Variants in MAPK10 observed in about 807,000 individuals in gnomAD.
MAPK10 encodes the protein JNK3 alpha protein kinase.
Under a neutral mutation model 59.3 loss-of-function variants are expected in MAPK10, and 25 were observed. The ratio of observed to expected loss-of-function variants is 0.42; its 90% confidence interval spans 0.31 to 0.59. The LOEUF is 0.59. Ranked by LOEUF, MAPK10 falls within the 20% of genes least tolerant of loss-of-function variation. MAPK10 has a pLI of 0.15. For synonymous variants in MAPK10, 190 were observed against 200.5 expected, an observed-to-expected ratio of 0.95 and a Z score of 0.44; for missense variants, 351 against 568.9, an observed-to-expected ratio of 0.62 and a Z score of 3.90.
In MAPK10 at chr4:86,196,709, G is replaced by A. The variant is rs115552024; in HGVS notation, c.-6-2302C>T. 9.0e-3 allele frequency among the ~76,000 whole-genome samples: 1,370 copies of A among 151,994 alleles called. 18 individuals carry two copies. Among genetic ancestry groups the A allele is most frequent in the African/African-American group, 0.02 (833 of 41,426 alleles). ...TGGTTTCAGGTCTCATGTTTAAGTCGGTAATCCATCTCGAGCTAATTTTTG... is the reference window on the plus strand; with the variant it reads ...TGGTTTCAGGTCTCATGTTTAAGTCAGTAATCCATCTCGAGCTAATTTTTG... On this transcript the variant is annotated intron_variant, in intron 2 of 13. Transcript: ENST00000641462.
At chr4:86,563,661 G>GT (rs1185391468) in intron 1 of MAPK10, among the ~76,000 whole-genome samples, 2 of 152,032 alleles carry the variant, frequency 1.3e-5, no homozygotes, top group Non-Finnish European at 2.9e-5. Context: ...CATATATATA[G>GT]TATGTTTTTT....
intron 3 of MAPK10, among the ~76,000 whole-genome samples, chr4:86,186,938 T>C (rs940340689): frequency 6.6e-5 from 10 of 152,176 alleles, no homozygotes; most frequent in Non-Finnish European, 1.5e-4. Context: ...TTACTTTCCC[T>C]TCTAGGTTAA....
intron 2 of MAPK10, among the ~76,000 whole-genome samples, chr4:86,261,914 A>C (rs182405955): frequency 6.6e-6 from 1 of 152,270 alleles, no homozygotes; most frequent in Non-Finnish European, 1.5e-5. Flanking sequence ...CTAGTTCCAC[A>C]GAAGAGTAAT....
At chr4:86,352,025 T>C (rs1208414639) in intron 2 of MAPK10, 1 of 152,194 alleles carries the variant, frequency 6.6e-6, no homozygotes, top group African/African-American at 2.4e-5. Context: ...TCTACCTGAT[T>C]AGCAAAATTT....
At chr4:86,412,986 C>T (rs767584468) in intron 1 of MAPK10, among the ~76,000 whole-genome samples, 11 of 152,110 alleles carry the variant, frequency 7.2e-5, no homozygotes, top group East Asian at 1.9e-4. Flanking sequence ...AGAGGCGCTC[C>T]GGTTTTTGGC....
intron 1 of MAPK10, chr4:86,429,899 T>C (rs1163016781): frequency 1.3e-5 from 2 of 152,110 alleles, no homozygotes; most frequent in African/African-American, 4.8e-5. Context: ...AAAAATATCA[T>C]TGAGTATACC....
chr4:86,304,132 G>T (rs980269188), intron 2 of MAPK10, among the ~76,000 whole-genome samples: 2 of 152,106 alleles, frequency 1.3e-5, no homozygotes, highest in Non-Finnish European at 2.9e-5. Context: ...TAAAAATAAG[G>T]CAGTAGGAGG....
chr4:86,464,503 A>G (rs1017284462), intron 1 of MAPK10, among the ~76,000 whole-genome samples: 2 of 152,236 alleles, frequency 1.3e-5, no homozygotes, highest in African/African-American at 4.8e-5. Flanking sequence ...TCTTTACTCA[A>G]TTGCAAACAG....
chr4:86,230,187 A>G (rs997302577), intron 2 of MAPK10, among the ~76,000 whole-genome samples: 2 of 152,250 alleles, frequency 1.3e-5, no homozygotes, highest in African/African-American at 4.8e-5. Flanking sequence ...ATTTTAGAAA[A>G]GTAAATATAT....
In MAPK10 at chr4:86,064,123, T is replaced by G. The variant is rs1579441624; in HGVS notation, c.1110+143A>C. 5 of 954,068 alleles carry G rather than the reference T, an allele frequency of 5.2e-6. No individual in the cohort carries two copies. The East Asian group carries it at 7.4e-5, about 14-fold the overall frequency. 59.1% of individuals were successfully genotyped at this position (954,068 alleles called of 1,614,324 possible). A position where few individuals can be genotyped will look rare whatever the true frequency, so the allele number is the denominator to read the frequency against. On this transcript the variant is annotated intron_variant, in intron 11 of 13. Transcript: ENST00000641462. ...AAAACATATGTTGAAGAAAATAGCT[T>G]TTAGAGGGGCAGATAATAGGCTTTG...
intron 1 of MAPK10, among the ~76,000 whole-genome samples, chr4:86,498,732 C>T (rs763328097): frequency 3.3e-5 from 5 of 152,186 alleles, no homozygotes; most frequent in African/African-American, 4.8e-5. Flanking sequence ...CACTCTGTTG[C>T]TGCCTAAGCG....
At chr4:86,139,408 AC>A (rs1253844665) in intron 4 of MAPK10, among the ~76,000 whole-genome samples, 3 of 150,308 alleles carry the variant, frequency 2.0e-5, no homozygotes, top group Non-Finnish European at 4.5e-5. Flanking sequence ...TCTTTGACAA[AC>A]CTGAGAAAAA....
At chr4:86,305,487 C>A (rs1042410085) in intron 2 of MAPK10, among the ~76,000 whole-genome samples, 3 of 151,940 alleles carry the variant, frequency 2.0e-5, no homozygotes, top group Admixed American at 1.3e-4. Context: ...TATAGTGGTA[C>A]GGCAGAAGAG....
chr4:86,070,482 C>CA (rs2149000348), intron 9 of MAPK10, among the ~76,000 whole-genome samples: 1 of 151,004 alleles, frequency 6.6e-6, no homozygotes, highest in Non-Finnish European at 1.5e-5. Context: ...TGCTGGTGCG[C>CA]TGCACCCACT....
chr4:86,373,647 T>C (rs890453022), intron 1 of MAPK10, among the ~76,000 whole-genome samples: 1 of 151,978 alleles, frequency 6.6e-6, no homozygotes, highest in East Asian at 1.9e-4. Context: ...AACAAACATA[T>C]GAAAAAAAGT....
intron 1 of MAPK10, among the ~76,000 whole-genome samples, chr4:86,564,159 A>C (rs1760892308): frequency 6.6e-6 from 1 of 152,162 alleles, no homozygotes; most frequent in African/African-American, 2.4e-5. Flanking sequence ...TTATTTCTGG[A>C]ATTTTCCATT....
Position 86,194,317 on chromosome 4 carries a change from A to G in MAPK10, c.66+19T>C. On this transcript the variant is annotated intron_variant, in intron 3 of 13. Transcript: ENST00000641462. ...AAGGGAATATACTGTACCTTGTTTT[A>G]CCTGTAAGGAACACACACCTGACAA... 1.9e-6 allele frequency: 3 copies of G among 1,600,590 alleles called. No homozygotes were observed. The highest frequency in any genetic ancestry group is 2.6e-6 in the Non-Finnish European group (3 of 1,167,796).
At chr4:86,328,995 G>A (rs187593723) in intron 2 of MAPK10, among the ~76,000 whole-genome samples, 2 of 152,136 alleles carry the variant, frequency 1.3e-5, no homozygotes, top group East Asian at 1.9e-4. Context: ...TTCTGCACAT[G>A]TATCCCGGGA....
At chr4:86,429,470 T>C (rs540916811) in intron 1 of MAPK10, among the ~76,000 whole-genome samples, 1 of 152,318 alleles carries the variant, frequency 6.6e-6, no homozygotes, top group South Asian at 2.1e-4. Context: ...GTTATTATCA[T>C]ATATAATTAG....
Sources: gnomAD v4.1 joint callset for allele counts (sites outside exome capture counted in the v4.1 genomes callset) on GRCh38, gnomAD v4.1.1 for gene constraint, MANE v1.5 for transcripts, NCBI Gene and HGNC (gene_info 2026-07-23, HGNC 2026-07-21) for gene names.